Variants in TOR1AIP2 observed in about 807,000 individuals in gnomAD.
The protein encoded by TOR1AIP2 is torsin-1A-interacting protein 2.
In TOR1AIP2, 20 loss-of-function variants were observed where a neutral mutation model predicts 32.6. That is an observed-to-expected ratio of 0.61 (90% CI 0.43 to 0.89). The LOEUF (loss-of-function observed/expected upper bound fraction) is 0.89, where lower values mean the gene tolerates loss of function less well. Among genes scored for constraint, TOR1AIP2 ranks in the 40% least tolerant of loss-of-function variants. The probability of loss-of-function intolerance (pLI) is 0.00; values close to 1 mark genes in which losing one functional copy is unlikely to be tolerated. For missense variants in TOR1AIP2, 456 were observed against 553.8 expected (o/e 0.82, Z 1.77); for synonymous variants, 214 against 210.8 (o/e 1.02, Z -0.13).
chr1:179,846,829 C>T lies in TOR1AIP2; in HGVS notation c.656-1G>A, dbSNP rs777706340. ...ACCAGGACGACAAGAATCACAGGGC[C>T]TGTCAAAAGAATGAAAAAGGAATAG... On this transcript the variant is annotated splice_acceptor_variant, in intron 6 of 6. Transcript: ENST00000609928. LOFTEE classifies it high-confidence loss of function. 1.9e-6 allele frequency: 3 copies of T among 1,579,858 alleles called. No individual in the cohort carries two copies. The highest frequency in any genetic ancestry group is 1.7e-6 in the Non-Finnish European group (2 of 1,162,660).
intron 3 of TOR1AIP2, chr1:179,863,381 T>C: frequency 1.0e-6 from 1 of 985,314 alleles, no homozygotes. Flanking sequence ...TTGCTAGGGA[T>C]TTTTGGGAAA....
At chr1:179,858,812 A>G (rs1696405082) in intron 3 of TOR1AIP2, among the ~76,000 whole-genome samples, 1 of 152,146 alleles carries the variant, frequency 6.6e-6, no homozygotes, top group African/African-American at 2.4e-5. Flanking sequence ...AATTGCTAGC[A>G]TTGCCATGGC....
At chr1:179,865,178 T>C (rs781004365) in intron 3 of TOR1AIP2, 24 of 1,594,478 alleles carry the variant, frequency 1.5e-5, no homozygotes, top group Middle Eastern at 1.7e-4. Context: ...TGAAAACATC[T>C]GGACCTAGAA....
Position 179,846,033 on chromosome 1 carries a change from T to TAAAC in TOR1AIP2, c.*34_*37dup, listed in dbSNP as rs760582708. The TAAAC allele has an allele frequency of 5.8e-6, 9 of 1,553,256 alleles. No individual in the cohort carries two copies. The Admixed American group carries it at 7.9e-5, about 14-fold the overall frequency. On this transcript the variant is annotated 3_prime_UTR_variant, in exon 7 of 7. Transcript: ENST00000609928. ...GAAGGTCTTTAAACAAACTTTTTCA[T>TAAAC]AAACATATACCTTCTGTAACCAACT... is the stretch of plus-strand genomic sequence containing the variant.
intron 4 of TOR1AIP2, 30 bp from the exon 5 acceptor site, chr1:179,851,393 T>A: frequency 6.9e-7 from 1 of 1,449,210 alleles, no homozygotes; most frequent in Non-Finnish European, 9.1e-7. Context: ...TAATTTTTAT[T>A]GGAAAAAATT....
intron 3 of TOR1AIP2, chr1:179,860,706 G>A (rs1382058393): frequency 1.4e-5 from 14 of 984,844 alleles, no homozygotes; most frequent in Middle Eastern, 5.2e-4. Flanking sequence ...AATGCCTAAG[G>A]TCATTTAATA....
At position 179,845,986 on chromosome 1, in the gene TOR1AIP2, T is replaced by G. The variant is rs1182498290; in HGVS notation, c.*85A>C. Reference sequence around the variant, plus strand: ...CAGGCTATTTCCTCAAGCTATTTTATCAACCTCCTTCCATATAAATGGAAG... The same window carrying G: ...CAGGCTATTTCCTCAAGCTATTTTAGCAACCTCCTTCCATATAAATGGAAG... On this transcript the variant is annotated 3_prime_UTR_variant, in exon 7 of 7. Coordinates refer to ENST00000609928, the MANE Select transcript of TOR1AIP2 (RefSeq NM_001199260.2). 1 of 1,250,236 alleles carries G rather than the reference T, an allele frequency of 8.0e-7. No homozygotes were observed. The highest frequency in any genetic ancestry group is 1.1e-6 in the Non-Finnish European group (1 of 901,676). The allele number at this position is 1,250,236 out of a possible 1,614,324, so 77.4% of individuals were successfully genotyped here.
intron 3 of TOR1AIP2, chr1:179,863,677 CAAAAAAAAAAA>C: frequency 7.0e-6 from 6 of 856,052 alleles, no homozygotes; most frequent in Non-Finnish European, 6.6e-6. Context: ...TTTTAAAAAG[CAAAAAAAAAAA>C]AAAAAAAAAA....
intron 3 of TOR1AIP2, chr1:179,861,805 G>A (rs1696543797): frequency 1.0e-6 from 1 of 983,884 alleles, no homozygotes; most frequent in East Asian, 1.1e-4. Context: ...ATTTCTCAAA[G>A]TATGGTCTAG....
At position 179,850,978 on chromosome 1, in the gene TOR1AIP2, A is replaced by G; in HGVS notation, c.420T>C (p.Pro140=). ...CTCCAGTTCCGTCACTCGCTTCCTT[A>G]GGGAGGGCCACAGAGCTGCTCCCTA... ...AHLGSSSVAL[P]KEASDGTGAS... is the part of the protein sequence containing the mutation. Residue 140 remains proline (P), a synonymous_variant, in exon 5 of 7, where the codon CCT becomes CCC. Coordinates refer to ENST00000609928, the MANE Select transcript of TOR1AIP2 (RefSeq NM_001199260.2). 6.2e-7 allele frequency: 1 copy of G among 1,614,114 alleles called. No individual in the cohort carries two copies.
intron 3 of TOR1AIP2, chr1:179,859,949 A>C (rs1000338573): frequency 1.5e-6 from 1 of 658,934 alleles, no homozygotes; most frequent in Non-Finnish European, 1.9e-6. Flanking sequence ...TGATCCTCCC[A>C]CCTCAGCCTC....
At chr1:179,857,618 T>C (rs1299567498) in intron 3 of TOR1AIP2, among the ~76,000 whole-genome samples, 2 of 152,186 alleles carry the variant, frequency 1.3e-5, no homozygotes, top group Admixed American at 6.5e-5. Context: ...GTAGGTGACA[T>C]TGTGTGGTAT....
chr1:179,857,191 G>A (rs1022240982), intron 3 of TOR1AIP2, among the ~76,000 whole-genome samples: 13 of 152,200 alleles, frequency 8.5e-5, no homozygotes, highest in Non-Finnish European at 1.2e-4. Context: ...GTTCAATTAC[G>A]AAATGTTGGT....
In TOR1AIP2 at chr1:179,841,254, C is replaced by T. The variant is rs1259677467; in HGVS notation, c.*4817G>A. On this transcript the variant is annotated 3_prime_UTR_variant, in exon 7 of 7. Coordinates refer to ENST00000609928, the MANE Select transcript of TOR1AIP2 (RefSeq NM_001199260.2). Reference sequence around the variant, plus strand: ...AAAACAAAAAACCACCATGACTTCTCAACAAATACATTTTAAAATGAAATA... The same window carrying T: ...AAAACAAAAAACCACCATGACTTCTTAACAAATACATTTTAAAATGAAATA... The T allele has an allele frequency of 6.6e-6, 1 of 152,096 alleles. No individual in the cohort carries two copies. Among genetic ancestry groups the T allele is most frequent in the Non-Finnish European group, 1.5e-5 (1 of 68,014 alleles). The allele number at this position is 152,096 out of a possible 1,614,324, so 9.4% of individuals were successfully genotyped here.
chr1:179,862,055 C>A, intron 3 of TOR1AIP2: 1 of 985,326 alleles, frequency 1.0e-6, no homozygotes, highest in South Asian at 4.7e-5. Context: ...CCTGAGGAAT[C>A]AAAATTTCTA....
chr1:179,846,647 C>T lies in TOR1AIP2; in HGVS notation c.837G>A (p.Lys279=). The change falls in exon 7 of 7, where the codon AAG becomes AAA. Residue 279 remains lysine (K), a synonymous_variant. Transcript: ENST00000609928. Reference sequence around the variant, plus strand: ...AAGCATTGAGGTGCTTCTGGAGAAACTTCCGTCCTCTCTGCCACAGGAAGG... The same window carrying T: ...AAGCATTGAGGTGCTTCTGGAGAAATTTCCGTCCTCTCTGCCACAGGAAGG... The part of the protein sequence containing the change: ...QSSFLWQRGR[K]FLQKHLNASN... 1 of 1,614,138 alleles carries T rather than the reference C, an allele frequency of 6.2e-7. No individual in the cohort carries two copies. The highest frequency in any genetic ancestry group is 8.5e-7 in the Non-Finnish European group (1 of 1,179,998).
intron 3 of TOR1AIP2, chr1:179,864,257 A>G: frequency 1.0e-6 from 1 of 985,486 alleles, no homozygotes; most frequent in Non-Finnish European, 1.2e-6. Context: ...GCTATATAAG[A>G]GCAAATTTTA....
chr1:179,850,745 G>A, intron 5 of TOR1AIP2, 100 bp downstream of exon 5: 1 of 1,442,850 alleles, frequency 6.9e-7, no homozygotes, highest in East Asian at 2.3e-5. Context: ...TCCTATGAAA[G>A]ATGACAAAAG....
chr1:179,867,193 C>T (rs10494523), intron 2 of TOR1AIP2, among the ~76,000 whole-genome samples: 22,214 of 152,110 alleles, frequency 0.15, 1,744 homozygotes, highest in Middle Eastern at 0.2. Flanking sequence ...GATAGTGCTA[C>T]GACAACATGG....
Sources: gnomAD v4.1 joint callset for allele counts (sites outside exome capture counted in the v4.1 genomes callset) on GRCh38, gnomAD v4.1.1 for gene constraint, MANE v1.5 for transcripts, NCBI Gene and HGNC (gene_info 2026-07-23, HGNC 2026-07-21) for gene names.